The following TRAPPC9 variants were observed in gnomAD, a reference collection of about 807,000 sequenced individuals.
The protein encoded by TRAPPC9 is IKK2 binding protein.
In TRAPPC9, 83 loss-of-function variants were observed where a neutral mutation model predicts 124.0. That is an observed-to-expected ratio of 0.67 (90% confidence interval 0.56 to 0.80). The LOEUF (loss-of-function observed/expected upper bound fraction) is 0.80, where lower values mean the gene tolerates loss of function less well. TRAPPC9 is among the 30% of genes least tolerant of loss of function. The pLI is 0.00. For missense variants in TRAPPC9, 1,302 were observed against 1,508.3 expected (o/e 0.86, Z 2.27); for synonymous variants, 638 against 617.5 (o/e 1.03, Z -0.49).
chr8:140,103,027 T>C (rs534143122), intron 17 of TRAPPC9, among the ~76,000 whole-genome samples: 1 of 152,234 alleles, frequency 6.6e-6, no homozygotes, highest in South Asian at 2.1e-4. Context: ...AATGAAGGGA[T>C]GCTAGAAAGC....
At position 140,112,055 on chromosome 8, in the gene TRAPPC9, A is replaced by G. The variant is rs193106496; in HGVS notation, c.2557-87976T>C. 6.2e-3 allele frequency among the ~76,000 whole-genome samples: 942 copies of G among 152,368 alleles called. 11 individuals are homozygous for G. The highest frequency in any genetic ancestry group is 0.022 in the African/African-American group (906 of 41,586). On this transcript the variant is annotated intron_variant, in intron 17 of 22. Coordinates refer to ENST00000438773, the MANE Select transcript of TRAPPC9 (RefSeq NM_001160372.4). ...TTTGGGTAGCCCTTCTCCTTCATCA[A>G]CTTGGCCACTTTCATAAACAGAGGA...
intron 17 of TRAPPC9, among the ~76,000 whole-genome samples, chr8:140,073,929 G>A (rs1020978528): frequency 1.3e-4 from 20 of 152,136 alleles, no homozygotes; most frequent in Non-Finnish European, 1.5e-5. Context: ...TGCCTTGCAT[G>A]TTCACACCTG....
At chr8:139,831,406 C>T (rs1475745115) in intron 21 of TRAPPC9, among the ~76,000 whole-genome samples, 1 of 152,156 alleles carries the variant, frequency 6.6e-6, no homozygotes, top group East Asian at 1.9e-4. Flanking sequence ...AAGAGACCCA[C>T]AATTTATACA....
At chr8:140,045,741 A>T (rs367788769) in intron 17 of TRAPPC9, among the ~76,000 whole-genome samples, 2 of 149,456 alleles carry the variant, frequency 1.3e-5, no homozygotes, top group African/African-American at 5.0e-5. Context: ...TCTTCTGGGG[A>T]GATGAAACCC....
intron 20 of TRAPPC9, among the ~76,000 whole-genome samples, chr8:139,904,115 A>G (rs1256524894): frequency 6.6e-6 from 1 of 152,214 alleles, no homozygotes; most frequent in Non-Finnish European, 1.5e-5. Context: ...CCTGATTTTG[A>G]GCATCTGGTG....
intron 4 of TRAPPC9, among the ~76,000 whole-genome samples, chr8:140,432,978 T>C (rs1312969306): frequency 1.3e-5 from 2 of 152,098 alleles, no homozygotes; most frequent in African/African-American, 4.8e-5. Flanking sequence ...TACAATTTTG[T>C]TGAAATACAA....
At chr8:139,862,409 T>C (rs1445332439) in intron 21 of TRAPPC9, among the ~76,000 whole-genome samples, 1 of 152,234 alleles carries the variant, frequency 6.6e-6, no homozygotes, top group Non-Finnish European at 1.5e-5. Flanking sequence ...GGCCCAGCCA[T>C]CCAGTGACGG....
intron 21 of TRAPPC9, among the ~76,000 whole-genome samples, chr8:139,823,471 C>A (rs1704763631): frequency 6.6e-6 from 1 of 152,076 alleles, no homozygotes; most frequent in South Asian, 2.1e-4. Flanking sequence ...CCACAAAGAG[C>A]TTGAAATGCC....
intron 9 of TRAPPC9, among the ~76,000 whole-genome samples, chr8:140,313,303 C>T (rs2066351746): frequency 6.6e-6 from 1 of 152,100 alleles, no homozygotes; most frequent in Non-Finnish European, 1.5e-5. Context: ...ACCCCATACA[C>T]ACTCTCGGTA....
chr8:139,792,814 A>C (rs1822791749), intron 21 of TRAPPC9, among the ~76,000 whole-genome samples: 1 of 152,254 alleles, frequency 6.6e-6, no homozygotes, highest in Non-Finnish European at 1.5e-5. Flanking sequence ...ATCTAGTCAG[A>C]CTTTACATCC....
chr8:140,446,293 C>CAAAAAAAAAAAAA (rs59393001), intron 2 of TRAPPC9, among the ~76,000 whole-genome samples: 3 of 110,328 alleles, frequency 2.7e-5, no homozygotes, highest in East Asian at 2.8e-4. Flanking sequence ...GACTCTGTCT[C>CAAAAAAAAAAAAA]AAAAAAAAAA....
chr8:140,047,092 C>A (rs1389770875), intron 17 of TRAPPC9, among the ~76,000 whole-genome samples: 1 of 152,254 alleles, frequency 6.6e-6, no homozygotes, highest in East Asian at 1.9e-4. Context: ...CCCAGAGATT[C>A]TAGCCCAACC....
chr8:139,870,989 G>A (rs187339786), intron 21 of TRAPPC9, among the ~76,000 whole-genome samples: 96 of 152,272 alleles, frequency 6.3e-4, no homozygotes, highest in African/African-American at 2.0e-3. Flanking sequence ...GTCTCTCTTC[G>A]CTCCCACACT....
Position 140,269,045 on chromosome 8 carries a change from G to A in TRAPPC9, c.2278+6613C>T, listed in dbSNP as rs147193294. ...GGGAATTTTCTGGGGTGGCGGAAAC[G>A]TTCTATATCCTGATAAGGGTTTGCG... On this transcript the variant is annotated intron_variant, in intron 15 of 22. Coordinates refer to ENST00000438773, the MANE Select transcript of TRAPPC9 (RefSeq NM_001160372.4). 2.1e-4 allele frequency among the ~76,000 whole-genome samples: 32 copies of A among 152,156 alleles called. No individual in the cohort carries two copies. The East Asian group carries it at 4.4e-3, about 21-fold the overall frequency.
At chr8:140,251,384 C>T (rs903828156) in intron 16 of TRAPPC9, among the ~76,000 whole-genome samples, 10 of 152,234 alleles carry the variant, frequency 6.6e-5, no homozygotes, top group Non-Finnish European at 7.3e-5. Flanking sequence ...CAAAAAAATC[C>T]GTGTCATCAG....
intron 17 of TRAPPC9, among the ~76,000 whole-genome samples, chr8:140,074,767 C>T (rs973971839): frequency 6.6e-6 from 1 of 152,098 alleles, no homozygotes; most frequent in Non-Finnish European, 1.5e-5. Context: ...AAAGAAGGGC[C>T]GCTCAGTGGA....
intron 19 of TRAPPC9, among the ~76,000 whole-genome samples, chr8:139,970,210 C>A (rs906398707): frequency 6.6e-6 from 1 of 152,238 alleles, no homozygotes; most frequent in Non-Finnish European, 1.5e-5. Context: ...AGGAGCCGGG[C>A]ATCAGGAGTC....
At chr8:140,369,925 C>T (rs1001699557) in intron 8 of TRAPPC9, among the ~76,000 whole-genome samples, 1 of 152,024 alleles carries the variant, frequency 6.6e-6, no homozygotes, top group Non-Finnish European at 1.5e-5. Flanking sequence ...GCACTCCAGC[C>T]TGGGCAACAA....
At chr8:140,280,890 TCA>T (rs1491347680) in intron 14 of TRAPPC9, among the ~76,000 whole-genome samples, 1 of 152,242 alleles carries the variant, frequency 6.6e-6, no homozygotes, top group Non-Finnish European at 1.5e-5. Context: ...ATCAGAGGAC[TCA>T]CGCTCTGCGC....
Sources: gnomAD v4.1 joint callset for allele counts (sites outside exome capture counted in the v4.1 genomes callset) on GRCh38, gnomAD v4.1.1 for gene constraint, MANE v1.5 for transcripts, NCBI Gene and HGNC (gene_info 2026-07-23, HGNC 2026-07-21) for gene names.